CDH13: variants seen among roughly 807,000 people sequenced by gnomAD.
CDH13 encodes the protein cadherin 13.
Under a neutral mutation model 63.8 loss-of-function variants are expected in CDH13, and 24 were observed. The observed-to-expected ratio is 0.38, with a 90% CI of 0.27 to 0.53. CDH13 has a LOEUF of 0.53. Among genes scored for constraint, CDH13 ranks in the 20% least tolerant of loss-of-function variants. The pLI, the probability that CDH13 is intolerant of heterozygous loss-of-function variation, is 0.85. For missense variants in CDH13, 1,049 were observed against 903.1 expected (o/e 1.16, Z -2.07); for synonymous variants, 503 against 355.3 (o/e 1.42, Z -4.67).
intron 1 of CDH13, among the ~76,000 whole-genome samples, chr16:82,836,089 T>C (rs2038754717): frequency 6.6e-6 from 1 of 152,148 alleles, no homozygotes; most frequent in South Asian, 2.1e-4. Context: ...GAATATGAAC[T>C]TTGCATGTGA....
chr16:83,182,852 A>G (rs1284261255), intron 4 of CDH13, among the ~76,000 whole-genome samples: 1 of 152,196 alleles, frequency 6.6e-6, no homozygotes, highest in Non-Finnish European at 1.5e-5. Context: ...TTACTTTGTG[A>G]TTCTTTTTAT....
chr16:83,334,176 C>A (rs1386675506), intron 5 of CDH13, among the ~76,000 whole-genome samples: 1 of 152,094 alleles, frequency 6.6e-6, no homozygotes, highest in Non-Finnish European at 1.5e-5. Context: ...GCTTCTTCCT[C>A]CCTCTTAACG....
intron 5 of CDH13, 140 bp from the exon 6 acceptor site, chr16:83,344,722 C>G (rs760774898): frequency 3.0e-5 from 23 of 766,720 alleles, no homozygotes; most frequent in Non-Finnish European, 4.0e-5. Flanking sequence ...GTCCCAGTGA[C>G]TATCCTCTGA....
chr16:82,662,907 T>G (rs1377655843), intron 1 of CDH13, among the ~76,000 whole-genome samples: 1 of 152,150 alleles, frequency 6.6e-6, no homozygotes, highest in East Asian at 1.9e-4. Flanking sequence ...CCTTACCCAC[T>G]GAAACAGCAA....
At chr16:83,602,405 T>G in intron 7 of CDH13, 49 bp from the exon 8 acceptor site, 1 of 1,609,080 alleles carries the variant, frequency 6.2e-7, no homozygotes, top group African/African-American at 1.3e-5. Flanking sequence ...TCCAAAGCAG[T>G]AACCCAAATC....
At chr16:83,084,837 G>A (rs1464978952) in intron 3 of CDH13, among the ~76,000 whole-genome samples, 1 of 152,182 alleles carries the variant, frequency 6.6e-6, no homozygotes, top group Non-Finnish European at 1.5e-5. Flanking sequence ...GCAGTGAGCC[G>A]AGATCGCACC....
chr16:83,105,789 C>T (rs2034734163), intron 3 of CDH13, among the ~76,000 whole-genome samples: 1 of 152,174 alleles, frequency 6.6e-6, no homozygotes, highest in African/African-American at 2.4e-5. Flanking sequence ...GTACAACAGG[C>T]AGCCATTGTC....
chr16:82,647,984 G>C (rs1221368602), intron 1 of CDH13, among the ~76,000 whole-genome samples: 1 of 152,170 alleles, frequency 6.6e-6, no homozygotes, highest in East Asian at 1.9e-4. Flanking sequence ...AGTCTCACGA[G>C]ATCTGAGGGT....
At chr16:82,677,336 C>T (rs577681643) in intron 1 of CDH13, among the ~76,000 whole-genome samples, 51 of 152,118 alleles carry the variant, frequency 3.4e-4, no homozygotes, top group African/African-American at 1.1e-3. Flanking sequence ...TTTTATACCT[C>T]TTCTTCCTAG....
At position 82,687,952 on chromosome 16, in the gene CDH13, C is replaced by T. The variant is rs907509657; in HGVS notation, c.45+60815C>T. Among the ~76,000 whole-genome samples the T allele has an allele frequency of 3.7e-4, 57 of 152,122 alleles. 1 individual carries two copies. The highest frequency in any genetic ancestry group is 1.2e-3 in the African/African-American group (49 of 41,408). ...ACTCAGACATGCTTGGGACCGCGTT[C>T]GTAGGACAACTTTTACTGTCCATTG... On this transcript the variant is annotated intron_variant, in intron 1 of 13. Transcript: ENST00000567109.
chr16:83,201,725 G>A (rs1376940100), intron 4 of CDH13, among the ~76,000 whole-genome samples: 5 of 150,202 alleles, frequency 3.3e-5, no homozygotes, highest in Non-Finnish European at 5.9e-5. Context: ...GTGAAACCCC[G>A]TCTCTAATAA....
intron 1 of CDH13, among the ~76,000 whole-genome samples, chr16:82,678,388 G>T (rs375984061): frequency 1.0e-3 from 145 of 144,596 alleles, no homozygotes; most frequent in African/African-American, 3.6e-3. Context: ...AGTACTTTTT[G>T]CAGGGTATAA....
chr16:83,578,048 C>T (rs953382935), intron 7 of CDH13, among the ~76,000 whole-genome samples: 1 of 152,162 alleles, frequency 6.6e-6, no homozygotes, highest in Non-Finnish European at 1.5e-5. Context: ...TAAATATTCC[C>T]CTACTAAGCA....
intron 10 of CDH13, 103 bp downstream of exon 10, chr16:83,678,564 A>C: frequency 7.2e-7 from 1 of 1,392,244 alleles, no homozygotes; most frequent in Non-Finnish European, 9.8e-7. Context: ...ATTAAATTAA[A>C]CTTGTTAACA....
intron 3 of CDH13, among the ~76,000 whole-genome samples, chr16:83,052,801 A>AAAAAAAAAAAAG (rs1555571697): frequency 2.4e-5 from 3 of 122,672 alleles, no homozygotes; most frequent in African/African-American, 3.3e-5. Context: ...AAAAAAAAAA[A>AAAAAAAAAAAAG]AAAGAAAGAA....
At chr16:83,203,912 A>G (rs1409662131) in intron 4 of CDH13, among the ~76,000 whole-genome samples, 2 of 152,146 alleles carry the variant, frequency 1.3e-5, no homozygotes, top group Non-Finnish European at 2.9e-5. Context: ...AAACCCTTCA[A>G]ATTACACCAT....
chr16:83,396,196 G>A (rs886639406), intron 6 of CDH13, among the ~76,000 whole-genome samples: 12 of 152,130 alleles, frequency 7.9e-5, no homozygotes. Context: ...GTCTATCGTT[G>A]ATGGGCACTT....
intron 2 of CDH13, among the ~76,000 whole-genome samples, chr16:83,012,418 C>G (rs12149351): frequency 6.7e-6 from 1 of 148,474 alleles, no homozygotes; most frequent in Non-Finnish European, 1.5e-5. Context: ...AAAATAAAAT[C>G]GCTATTTTCC....
intron 5 of CDH13, among the ~76,000 whole-genome samples, chr16:83,275,745 C>T (rs1270979521): frequency 1.3e-5 from 2 of 152,086 alleles, no homozygotes; most frequent in Non-Finnish European, 2.9e-5. Context: ...CCCATAGTGT[C>T]TGTCGCCCAC....
Sources: allele counts gnomAD v4.1 joint callset (sites outside exome capture counted in the v4.1 genomes callset), GRCh38; gene constraint gnomAD v4.1.1; transcripts MANE v1.5; gene names NCBI Gene and HGNC (gene_info 2026-07-23, HGNC 2026-07-21).